The following VPS36 variants were observed in gnomAD, a reference collection of about 807,000 sequenced individuals.
VPS36 encodes the protein vacuolar protein-sorting-associated protein 36.
A neutral mutation model predicts 63.5 loss-of-function variants in VPS36; 31 were observed. That is an observed-to-expected ratio of 0.49 (90% confidence interval 0.37 to 0.66). The LOEUF (loss-of-function observed/expected upper bound fraction) is 0.66. Ranked by LOEUF, VPS36 falls within the 30% of genes least tolerant of loss-of-function variation. VPS36 has a pLI of 0.00. For missense variants in VPS36, 338 were observed against 463.7 expected, an observed-to-expected ratio of 0.73 and a Z score of 2.49; for synonymous variants, 138 against 157.2, an observed-to-expected ratio of 0.88 and a Z score of 0.91.
intron 1 of VPS36, 127 bp from the exon 2 acceptor site, chr13:52,442,572 T>G: frequency 1.3e-6 from 1 of 747,546 alleles, no homozygotes; most frequent in Non-Finnish European, 2.1e-6. Context: ...AGAATAGGCT[T>G]ATCACAAATT....
At chr13:52,423,367 G>A (rs754700598) in intron 10 of VPS36, among the ~76,000 whole-genome samples, 4 of 152,126 alleles carry the variant, frequency 2.6e-5, no homozygotes, top group Non-Finnish European at 5.9e-5. Context: ...GAGATGCTAA[G>A]TAAGCTACTG....
intron 2 of VPS36, among the ~76,000 whole-genome samples, chr13:52,440,868 A>C (rs1342374422): frequency 1.3e-5 from 2 of 152,208 alleles, no homozygotes; most frequent in Non-Finnish European, 2.9e-5. Context: ...TTCATGGAAG[A>C]CAGTATTTCC....
chr13:52,417,277 T>C, intron 11 of VPS36, 136 bp from the exon 12 acceptor site: 2 of 641,250 alleles, frequency 3.1e-6, no homozygotes, highest in South Asian at 2.2e-5. Flanking sequence ...TTAAAACATA[T>C]CAAACCCAAG....
chr13:52,439,095 T>C lies in VPS36; in HGVS notation c.236+3A>G. ...ATAAAGACTGTGCTATACACAGACT[T>C]ACCTCTTCCCAATTCCAGCCGCCTG... On this transcript the variant is annotated splice_donor_region_variant and intron_variant, in intron 3 of 13. Coordinates refer to ENST00000378060, the MANE Select transcript of VPS36 (RefSeq NM_016075.4). 1 of 1,613,466 alleles carries C rather than the reference T, an allele frequency of 6.2e-7. No individual in the cohort carries two copies. The highest frequency in any genetic ancestry group is 8.5e-7 in the Non-Finnish European group (1 of 1,179,684).
chr13:52,433,731 A>G lies in VPS36; in HGVS notation c.459T>C (p.Ala153=). Residue 153 remains alanine, a synonymous_variant, in exon 6 of 14, where the codon GCT becomes GCC. Transcript: ENST00000378060. The part of the protein sequence containing the change: ...NRGPQPGRIR[A]VGIVGIERKL... ...TCCTTTCAATACCTACAATTCCTAC[A>G]GCCCTTATTCTTCCTGGCTGAAAAA... The G allele has an allele frequency of 6.2e-7, 1 of 1,610,314 alleles. No homozygotes were observed. The highest frequency in any genetic ancestry group is 8.5e-7 in the Non-Finnish European group (1 of 1,178,956).
chr13:52,433,286 G>C (rs1958179128), intron 6 of VPS36, among the ~76,000 whole-genome samples: 1 of 152,120 alleles, frequency 6.6e-6, no homozygotes, highest in Admixed American at 6.5e-5. Context: ...TGTGGTATCT[G>C]GCCACAGACT....
intron 1 of VPS36, chr13:52,449,783 C>T: frequency 2.9e-6 from 1 of 342,052 alleles, no homozygotes; most frequent in Non-Finnish European, 4.1e-6. Flanking sequence ...AACGCACCTT[C>T]TAAGATTTAT....
chr13:52,445,973 G>A (rs1405461768), intron 1 of VPS36, among the ~76,000 whole-genome samples: 2 of 126,958 alleles, frequency 1.6e-5, no homozygotes, highest in African/African-American at 2.9e-5. Context: ...AAAAAAGGCC[G>A]GGCACCTTGG....
Position 52,416,031 on chromosome 13 carries a change from G to A in VPS36, c.1053C>T (p.Leu351=). 1 of 1,613,912 alleles carries A rather than the reference G, an allele frequency of 6.2e-7. No homozygotes were observed. The highest frequency in any genetic ancestry group is 8.5e-7 in the Non-Finnish European group (1 of 1,179,966). Residue 351 remains leucine (L), a synonymous_variant, in exon 13 of 14, where the codon CTC becomes CTT. Coordinates refer to ENST00000378060, the MANE Select transcript of VPS36 (RefSeq NM_016075.4). The part of the protein sequence containing the change: ...EFAKLVGMSV[L]LAKERLLLAE... The stretch of plus-strand genomic sequence containing the variant: ...ACCTTACTTACCTTTCTTTGGCTAG[G>A]AGGACAGACATTCCCACAAGCTTAG...
At chr13:52,443,327 C>T (rs1011381893) in intron 1 of VPS36, among the ~76,000 whole-genome samples, 3 of 152,056 alleles carry the variant, frequency 2.0e-5, no homozygotes, top group Non-Finnish European at 2.9e-5. Flanking sequence ...ATGTTGAAGC[C>T]CTAACCCTCA....
chr13:52,431,254 C>G (rs148194325), intron 6 of VPS36, among the ~76,000 whole-genome samples: 155 of 152,266 alleles, frequency 1.0e-3, no homozygotes, highest in Non-Finnish European at 1.7e-3. Flanking sequence ...GGGGAAAACA[C>G]ATAAAATTTT....
At chr13:52,443,342 G>A (rs1033988552) in intron 1 of VPS36, among the ~76,000 whole-genome samples, 13 of 152,160 alleles carry the variant, frequency 8.5e-5, no homozygotes, top group Admixed American at 5.2e-4. Flanking sequence ...CCCTCAATGC[G>A]ATGGTATTTG....
chr13:52,448,399 C>T (rs1422575343), intron 1 of VPS36, among the ~76,000 whole-genome samples: 2 of 152,176 alleles, frequency 1.3e-5, no homozygotes, highest in African/African-American at 4.8e-5. Context: ...CAGCCTGTGC[C>T]CCATTCAGCC....
intron 9 of VPS36, 55 bp from the exon 10 acceptor site, chr13:52,423,694 C>T (rs541608959): frequency 1.4e-6 from 2 of 1,423,768 alleles, no homozygotes; most frequent in African/African-American, 1.4e-5. Flanking sequence ...CACCAGTTAG[C>T]ATTTCTTAAC....
intron 5 of VPS36, 126 bp from the exon 6 acceptor site, chr13:52,433,874 T>C (rs1958185399): frequency 1.4e-6 from 1 of 697,482 alleles, no homozygotes. Flanking sequence ...AAAAACAGCA[T>C]ACACGGACAT....
intron 6 of VPS36, among the ~76,000 whole-genome samples, chr13:52,433,307 T>C (rs1400945475): frequency 6.6e-6 from 1 of 152,198 alleles, no homozygotes; most frequent in Non-Finnish European, 1.5e-5. Flanking sequence ...GGCCACAGAA[T>C]AGCATTTTTC....
chr13:52,437,627 A>G (rs1323966262), intron 3 of VPS36, among the ~76,000 whole-genome samples: 1 of 152,160 alleles, frequency 6.6e-6, no homozygotes, highest in Non-Finnish European at 1.5e-5. Context: ...ATACTTCATT[A>G]AATTTTAAAT....
chr13:52,426,940 G>T, intron 8 of VPS36, 49 bp downstream of exon 8: 1 of 1,289,708 alleles, frequency 7.8e-7, no homozygotes, highest in Non-Finnish European at 1.1e-6. Flanking sequence ...AAACCTTACT[G>T]CATTGTGTTA....
At chr13:52,419,820 A>C (rs1425114588) in intron 10 of VPS36, among the ~76,000 whole-genome samples, 1 of 152,210 alleles carries the variant, frequency 6.6e-6, no homozygotes, top group Non-Finnish European at 1.5e-5. Flanking sequence ...CTCACTCATT[A>C]TGTGGGAGTT....
Sources: gnomAD v4.1 joint callset for allele counts (sites outside exome capture counted in the v4.1 genomes callset) on GRCh38, gnomAD v4.1.1 for gene constraint, MANE v1.5 for transcripts, NCBI Gene and HGNC (gene_info 2026-07-23, HGNC 2026-07-21) for gene names.